The following GRM7 variants were observed in gnomAD, a reference collection of about 807,000 sequenced individuals.
GRM7 encodes the protein glutamate metabotropic receptor 7, also known as metabotropic glutamate receptor 7.
GRM7 carries 35 observed loss-of-function variants against 84.5 expected under a neutral mutation model. That is an observed-to-expected ratio of 0.41 (90% CI 0.32 to 0.55). GRM7 has a LOEUF of 0.55. Among genes scored for constraint, GRM7 ranks in the 20% least tolerant of loss-of-function variants. The probability of loss-of-function intolerance (pLI) is 0.19; values close to 1 mark genes in which losing one functional copy is unlikely to be tolerated. For missense variants in GRM7, 1,003 were observed against 1,194.6 expected, an observed-to-expected ratio of 0.84 and a Z score of 2.36; for synonymous variants, 487 against 455.1, an observed-to-expected ratio of 1.07 and a Z score of -0.89.
chr3:7,063,518 G>A (rs1697506562), intron 1 of GRM7, among the ~76,000 whole-genome samples: 1 of 151,694 alleles, frequency 6.6e-6, no homozygotes, highest in African/African-American at 2.4e-5. Flanking sequence ...CCCAGTTCTT[G>A]AAGGATCCTA....
chr3:7,422,613 C>T (rs1455003256), intron 5 of GRM7, among the ~76,000 whole-genome samples: 1 of 152,126 alleles, frequency 6.6e-6, no homozygotes, highest in Non-Finnish European at 1.5e-5. Flanking sequence ...CATTCATATC[C>T]TTCCATTATT....
At chr3:7,054,618 T>C (rs544168404) in intron 1 of GRM7, among the ~76,000 whole-genome samples, 4 of 152,076 alleles carry the variant, frequency 2.6e-5, no homozygotes, top group African/African-American at 9.6e-5. Context: ...AAGTCACTTC[T>C]GTTCCTTCTA....
chr3:7,359,099 G>A (rs1387733612), intron 4 of GRM7, among the ~76,000 whole-genome samples: 1 of 121,084 alleles, frequency 8.3e-6, no homozygotes, highest in African/African-American at 3.5e-5. Context: ...GTGATAGAGT[G>A]AGATTCCATC....
intron 1 of GRM7, among the ~76,000 whole-genome samples, chr3:7,039,794 C>A (rs891086682): frequency 3.3e-5 from 5 of 151,902 alleles, no homozygotes; most frequent in African/African-American, 1.2e-4. Flanking sequence ...TATTGCCGAT[C>A]GGTTTTTTTG....
At chr3:6,909,352 C>A (rs1468766591) in intron 1 of GRM7, among the ~76,000 whole-genome samples, 1 of 151,996 alleles carries the variant, frequency 6.6e-6, no homozygotes, top group African/African-American at 2.4e-5. Flanking sequence ...GCCTTCTATC[C>A]CTCACGTGTA....
intron 1 of GRM7, among the ~76,000 whole-genome samples, chr3:7,069,616 A>T (rs1254935056): frequency 6.6e-6 from 1 of 152,100 alleles, no homozygotes; most frequent in East Asian, 1.9e-4. Context: ...TATGATTTTT[A>T]GAGAAAGTGT....
At chr3:7,231,667 G>A (rs1228620926) in intron 2 of GRM7, among the ~76,000 whole-genome samples, 1 of 152,168 alleles carries the variant, frequency 6.6e-6, no homozygotes, top group Non-Finnish European at 1.5e-5. Flanking sequence ...CAGTGATTTA[G>A]TTAATTCTCA....
chr3:7,559,182 C>T (rs1381469392), intron 7 of GRM7: 2 of 144,052 alleles, frequency 1.4e-5, no homozygotes, highest in African/African-American at 5.2e-5. Context: ...GGGCCTTGCA[C>T]TGAGGGCATC....
chr3:7,341,221 A>T (rs1481782595), intron 4 of GRM7, among the ~76,000 whole-genome samples: 1 of 152,142 alleles, frequency 6.6e-6, no homozygotes, highest in Non-Finnish European at 1.5e-5. Context: ...ATACTTCTCA[A>T]ATTTCAGAGT....
chr3:7,259,730 A>G (rs552772985), intron 2 of GRM7, among the ~76,000 whole-genome samples: 4 of 152,256 alleles, frequency 2.6e-5, no homozygotes, highest in African/African-American at 9.6e-5. Flanking sequence ...GCTATTGTGA[A>G]TAGAGCTGCA....
chr3:7,121,219 G>A (rs1246201677), intron 1 of GRM7, among the ~76,000 whole-genome samples: 2 of 152,132 alleles, frequency 1.3e-5, no homozygotes, highest in Admixed American at 6.6e-5. Flanking sequence ...TTAAAAAGAA[G>A]TGACTAATTG....
At chr3:7,590,634 G>GA (rs1695734287) in intron 8 of GRM7, among the ~76,000 whole-genome samples, 1 of 152,034 alleles carries the variant, frequency 6.6e-6, no homozygotes, top group African/African-American at 2.4e-5. Context: ...TTCTGCTCCT[G>GA]AAAACCCCAG....
intron 1 of GRM7, among the ~76,000 whole-genome samples, chr3:7,142,304 C>T (rs1008633108): frequency 1.6e-4 from 24 of 152,072 alleles, no homozygotes; most frequent in African/African-American, 5.8e-4. Context: ...TTTCACACTG[C>T]TATAAAGAAC....
intron 7 of GRM7, among the ~76,000 whole-genome samples, chr3:7,487,306 C>T (rs1699357250): frequency 6.6e-6 from 1 of 152,088 alleles, no homozygotes; most frequent in Non-Finnish European, 1.5e-5. Flanking sequence ...GCAGACTTAA[C>T]CATGTAAATA....
At chr3:6,993,216 C>A (rs964748149) in intron 1 of GRM7, among the ~76,000 whole-genome samples, 1 of 152,122 alleles carries the variant, frequency 6.6e-6, no homozygotes, top group African/African-American at 2.4e-5. Context: ...ATGGGGGAAA[C>A]GGCCCTCATG....
chr3:7,205,154 T>C (rs1026902268), intron 2 of GRM7, among the ~76,000 whole-genome samples: 1 of 152,214 alleles, frequency 6.6e-6, no homozygotes, highest in Non-Finnish European at 1.5e-5. Context: ...TTTAAGACAG[T>C]TGTTTCCAAA....
intron 2 of GRM7, among the ~76,000 whole-genome samples, chr3:7,150,226 C>G (rs896608351): frequency 6.6e-6 from 1 of 152,072 alleles, no homozygotes. Context: ...TTCTTTTCCT[C>G]TATAAATGGC....
rs1384966577 is a variant in GRM7, at chr3:7,677,261, TTAAAAAAAAAAAAAAA to T, written c.2452-2787_2452-2772del. Among the ~76,000 whole-genome samples, 51 of 103,378 alleles carry T rather than the reference TTAAAAAAAAAAAAAAA, an allele frequency of 4.9e-4. 1 individual carries two copies. The highest frequency in any genetic ancestry group is 2.0e-3 in the African/African-American group (36 of 17,750). The allele number at this position is 103,378 out of a possible 152,430, so 67.8% of individuals were successfully genotyped here. A position where few individuals can be genotyped will look rare whatever the true frequency, so the allele number is the denominator to read the frequency against. ...TGGGCAATAGAGGGAGACTCTGTCT[TTAAAAAAAAAAAAAAA>T]AAAAAAAAAAAAAAAAACTTACATA... On this transcript the variant is annotated intron_variant, in intron 8 of 9. Transcript: ENST00000357716.
intron 1 of GRM7, among the ~76,000 whole-genome samples, chr3:6,986,538 C>T (rs1453293429): frequency 6.6e-6 from 1 of 152,164 alleles, no homozygotes; most frequent in Admixed American, 6.5e-5. Context: ...TCTGTTAATG[C>T]TCATACGTGG....
Sources: allele counts gnomAD v4.1 joint callset (sites outside exome capture counted in the v4.1 genomes callset), GRCh38; gene constraint gnomAD v4.1.1; transcripts MANE v1.5; gene names NCBI Gene and HGNC (gene_info 2026-07-23, HGNC 2026-07-21).